TRAPPC11: variants seen among roughly 807,000 people sequenced by gnomAD.
TRAPPC11 encodes the protein foie gras homolog.
Under a neutral mutation model 151.2 loss-of-function variants are expected in TRAPPC11, and 104 were observed. That is an observed-to-expected ratio of 0.69 (90% CI 0.59 to 0.81). The LOEUF (loss-of-function observed/expected upper bound fraction) is 0.81. Ranked by LOEUF, TRAPPC11 falls within the 30% of genes least tolerant of loss-of-function variation. The probability of loss-of-function intolerance (pLI) is 0.00; values close to 1 mark genes in which losing one functional copy is unlikely to be tolerated. For missense variants in TRAPPC11, 1,230 were observed against 1,349.6 expected (o/e 0.91, Z 1.39); for synonymous variants, 456 against 472.3 (o/e 0.97, Z 0.45).
chr4:183,695,643 T>G (rs1479536350), intron 23 of TRAPPC11, among the ~76,000 whole-genome samples: 1 of 152,202 alleles, frequency 6.6e-6, no homozygotes, highest in Admixed American at 6.5e-5. Flanking sequence ...ACAGTAATGT[T>G]GTCTTAGTTT....
intron 8 of TRAPPC11, among the ~76,000 whole-genome samples, chr4:183,678,399 T>C (rs533259154): frequency 1.3e-5 from 2 of 152,294 alleles, no homozygotes; most frequent in East Asian, 1.9e-4. Flanking sequence ...TATGGCCAAA[T>C]AGATACTTTA....
chr4:183,683,693 G>T lies in TRAPPC11; in HGVS notation c.1208-282G>T, dbSNP rs77109163. On this transcript the variant is annotated intron_variant, in intron 11 of 29. Transcript: ENST00000334690. ...GAAAAAAAGGAAATGATTATCTCCA[G>T]CAAGTGTATCCTCTATAGAGGATGA... Among the ~76,000 whole-genome samples, 6,168 of 152,178 alleles carry T rather than the reference G, an allele frequency of 0.041. 460 individuals carry two copies. Among genetic ancestry groups the T allele is most frequent in the African/African-American group, 0.14 (5,860 of 41,474 alleles).
At chr4:183,662,197 A>G (rs1734586796) in intron 1 of TRAPPC11, among the ~76,000 whole-genome samples, 1 of 152,046 alleles carries the variant, frequency 6.6e-6, no homozygotes, top group South Asian at 2.1e-4. Flanking sequence ...GTCCACTAAA[A>G]TACAAAAAAT....
At chr4:183,688,383 GT>G (rs1170224651) in intron 18 of TRAPPC11, among the ~76,000 whole-genome samples, 4 of 152,184 alleles carry the variant, frequency 2.6e-5, no homozygotes, top group Admixed American at 6.5e-5. Context: ...CACAATCTGT[GT>G]TTCTGGGAAA....
intron 5 of TRAPPC11, among the ~76,000 whole-genome samples, chr4:183,670,878 C>A (rs187552560): frequency 1.3e-5 from 2 of 152,192 alleles, no homozygotes; most frequent in African/African-American, 2.4e-5. Flanking sequence ...CTCTGCCCCC[C>A]AGATTCAAGT....
intron 19 of TRAPPC11, 116 bp downstream of exon 19, chr4:183,691,587 C>A: frequency 1.7e-6 from 1 of 576,514 alleles, no homozygotes; most frequent in Non-Finnish European, 2.6e-6. Context: ...ACTTGGACTT[C>A]CTAAAGGAAA....
At chr4:183,665,091 CTTTTTT>C (rs66913932) in intron 2 of TRAPPC11, among the ~76,000 whole-genome samples, 3 of 106,450 alleles carry the variant, frequency 2.8e-5, no homozygotes, top group Admixed American at 1.2e-4. Flanking sequence ...TCTTTTCTTT[CTTTTTT>C]TTTTTTTTTT....
At chr4:183,665,798 C>T (rs1414038020) in intron 2 of TRAPPC11, among the ~76,000 whole-genome samples, 1 of 152,186 alleles carries the variant, frequency 6.6e-6, no homozygotes, top group Non-Finnish European at 1.5e-5. Context: ...AGGTGAAATG[C>T]ATCACAGCAA....
chr4:183,694,608 A>G lies in TRAPPC11; in HGVS notation c.2513A>G (p.Glu838Gly), dbSNP rs1554010221. The change falls in exon 23 of 30, where the codon GAA (glutamate) becomes GGA (glycine). Residue 838 changes from glutamate to glycine, a missense_variant. Glu to Gly is a moderately conservative substitution (Grantham distance 98). Transcript: ENST00000334690. Reference sequence around the variant, plus strand: ...ACAACATTTATTTTGTTACAGCTGGAAAAAATGTTGTATGTTCGCTGTGGA... The same window carrying G: ...ACAACATTTATTTTGTTACAGCTGGGAAAAATGTTGTATGTTCGCTGTGGA... The part of the protein sequence containing the change: ...VGDLHPGEQL[E>G]KMLYVRCGTV... The G allele has an allele frequency of 6.2e-7, 1 of 1,611,144 alleles. No individual in the cohort carries two copies. The highest frequency in any genetic ancestry group is 1.7e-5 in the Admixed American group (1 of 59,742).
chr4:183,681,205 TCTC>T (rs1248386346), intron 10 of TRAPPC11, among the ~76,000 whole-genome samples: 1 of 151,928 alleles, frequency 6.6e-6, no homozygotes, highest in African/African-American at 2.4e-5. Flanking sequence ...GCAGTTCTCT[TCTC>T]TGAAGATGAG....
intron 23 of TRAPPC11, 30 bp from the exon 24 acceptor site, chr4:183,697,473 C>A: frequency 6.3e-7 from 1 of 1,581,836 alleles, no homozygotes; most frequent in South Asian, 1.2e-5. Context: ...TTAGAAAATC[C>A]ATGAATGTGC....
chr4:183,688,079 G>A (rs910313262), intron 18 of TRAPPC11, among the ~76,000 whole-genome samples: 3 of 152,114 alleles, frequency 2.0e-5, no homozygotes, highest in African/African-American at 7.2e-5. Context: ...TCACCAACAA[G>A]CATTTATTGA....
intron 19 of TRAPPC11, among the ~76,000 whole-genome samples, 157 bp from the exon 20 acceptor site, chr4:183,692,803 G>GT (rs1034167568): frequency 2.0e-5 from 3 of 152,166 alleles, no homozygotes; most frequent in Non-Finnish European, 4.4e-5. Context: ...CCCAGCCCGA[G>GT]TAAGACCTCT....
intron 23 of TRAPPC11, among the ~76,000 whole-genome samples, chr4:183,695,904 A>G (rs139015493): frequency 2.7e-4 from 41 of 152,318 alleles, no homozygotes; most frequent in African/African-American, 9.1e-4. Flanking sequence ...AAGGGTGCCA[A>G]TCTCAGCACA....
chr4:183,671,945 C>T (rs566165910), intron 5 of TRAPPC11, among the ~76,000 whole-genome samples: 17 of 152,248 alleles, frequency 1.1e-4, no homozygotes, highest in East Asian at 7.7e-4. Context: ...AATTCTATTT[C>T]GAGACAGGTC....
intron 3 of TRAPPC11, among the ~76,000 whole-genome samples, chr4:183,666,722 AC>A (rs1388885886): frequency 3.3e-5 from 5 of 152,172 alleles, no homozygotes; most frequent in Non-Finnish European, 7.3e-5. Flanking sequence ...TTGCTTTATC[AC>A]TGTTTAAGTT....
chr4:183,691,571 T>C (rs1435817564), intron 19 of TRAPPC11, 100 bp downstream of exon 19: 6 of 737,430 alleles, frequency 8.1e-6, no homozygotes, highest in Non-Finnish European at 1.1e-5. Flanking sequence ...AAAATGAAAA[T>C]CTGCTACTTG....
At chr4:183,709,132 A>T (rs1213925451) in intron 29 of TRAPPC11, among the ~76,000 whole-genome samples, 1 of 152,184 alleles carries the variant, frequency 6.6e-6, no homozygotes, top group Admixed American at 6.5e-5. Context: ...CCTGATACCT[A>T]AATAAGAGCC....
intron 2 of TRAPPC11, among the ~76,000 whole-genome samples, chr4:183,665,221 A>G (rs1464134167): frequency 6.7e-6 from 1 of 148,732 alleles, no homozygotes; most frequent in African/African-American, 2.5e-5. Context: ...CAGCCTCCCG[A>G]GTGGCTGGGA....
Sources: allele counts gnomAD v4.1 joint callset (sites outside exome capture counted in the v4.1 genomes callset), GRCh38; gene constraint gnomAD v4.1.1; transcripts MANE v1.5; gene names NCBI Gene and HGNC (gene_info 2026-07-23, HGNC 2026-07-21).